Variants in PAK1 observed in about 807,000 individuals in gnomAD.
PAK1 encodes the protein p21 (RAC1) activated kinase 1, also known as serine/threonine-protein kinase PAK 1.
In PAK1, 29 loss-of-function variants were observed where a neutral mutation model predicts 67.4. That is an observed-to-expected ratio of 0.43 (90% CI 0.32 to 0.59). The LOEUF (loss-of-function observed/expected upper bound fraction) is 0.59. Among genes scored for constraint, PAK1 ranks in the 20% least tolerant of loss-of-function variants. The probability of loss-of-function intolerance (pLI) is 0.07; values close to 1 mark genes in which losing one functional copy is unlikely to be tolerated. For synonymous variants in PAK1, 223 were observed against 237.4 expected (o/e 0.94, Z 0.56); for missense variants, 337 against 670.7 (o/e 0.50, Z 5.50).
intron 2 of PAK1, among the ~76,000 whole-genome samples, chr11:77,388,261 T>C (rs1374803746): frequency 1.3e-5 from 2 of 152,234 alleles, no homozygotes; most frequent in Non-Finnish European, 2.9e-5. Flanking sequence ...TAAAGTACTT[T>C]ACAATGGCCT....
At chr11:77,497,659 T>G in the PAK1 span, among the ~76,000 whole-genome samples, 9 of 152,338 alleles carry the variant, frequency 5.9e-5, no homozygotes, top group African/African-American at 2.2e-4. Flanking sequence ...AAGAATTCCA[T>G]CCAACTCAGC....
chr11:77,506,930 C>T, the PAK1 span, among the ~76,000 whole-genome samples: 783 of 152,140 alleles, frequency 5.1e-3, 6 homozygotes, highest in African/African-American at 0.018. Context: ...ATCCAAGGAG[C>T]GTGATTTAAG....
chr11:77,431,079 C>T (rs1206086576), intron 1 of PAK1, among the ~76,000 whole-genome samples: 1 of 152,014 alleles, frequency 6.6e-6, no homozygotes. Flanking sequence ...CCCACCCCCA[C>T]AAGCTCAGTC....
At chr11:77,333,868 A>G (rs552070190) in intron 13 of PAK1, among the ~76,000 whole-genome samples, 3 of 152,240 alleles carry the variant, frequency 2.0e-5, no homozygotes, top group Non-Finnish European at 4.4e-5. Flanking sequence ...ACATAAAAAG[A>G]TATGTCTAGG....
At chr11:77,400,037 A>C (rs2137669543) in intron 1 of PAK1, among the ~76,000 whole-genome samples, 1 of 152,242 alleles carries the variant, frequency 6.6e-6, no homozygotes, top group South Asian at 2.1e-4. Flanking sequence ...TTGAAATTTT[A>C]CCTAATAAAA....
intron 14 of PAK1, 94 bp downstream of exon 14, chr11:77,332,636 T>C (rs1941908506): frequency 1.0e-6 from 1 of 969,208 alleles, no homozygotes; most frequent in South Asian, 1.6e-5. Context: ...AGAAGCCTAG[T>C]TCTATAATAT....
In PAK1 at chr11:77,448,100, G is replaced by C. The variant is rs145918661; in HGVS notation, c.-22+25452C>G. 2.8e-3 allele frequency among the ~76,000 whole-genome samples: 424 copies of C among 152,318 alleles called. 2 individuals carry two copies. The highest frequency in any genetic ancestry group is 6.8e-3 in the Middle Eastern group (2 of 294). ...ACAACTCAAGCTTTGGAATCAGCAA[G>C]CTTGGGTTTGAATCCCAATTCTGTC... On this transcript the variant is annotated intron_variant, in intron 1 of 14. Coordinates refer to ENST00000356341, the MANE Select transcript of PAK1 (RefSeq NM_002576.5).
chr11:77,359,154 T>C (rs1946441837), intron 5 of PAK1, 137 bp from the exon 6 acceptor site: 5 of 725,640 alleles, frequency 6.9e-6, no homozygotes, highest in Admixed American at 2.7e-5. Flanking sequence ...GCTCTCACCT[T>C]TGTGTAGCTA....
chr11:77,449,022 G>A (rs1956737624), intron 1 of PAK1, among the ~76,000 whole-genome samples: 1 of 152,158 alleles, frequency 6.6e-6, no homozygotes, highest in African/African-American at 2.4e-5. Flanking sequence ...TGATATACAG[G>A]GTGAGTGTTT....
At chr11:77,387,234 G>T (rs558107102) in intron 2 of PAK1, among the ~76,000 whole-genome samples, 9 of 149,858 alleles carry the variant, frequency 6.0e-5, no homozygotes. Flanking sequence ...CACCACAACC[G>T]GCTAATTTCT....
At chr11:77,508,976 T>G in the PAK1 span, among the ~76,000 whole-genome samples, 3 of 136,670 alleles carry the variant, frequency 2.2e-5, no homozygotes, top group Non-Finnish European at 3.2e-5. Context: ...TTCTTTAAAA[T>G]GAGCCAGCAT....
intron 1 of PAK1, among the ~76,000 whole-genome samples, chr11:77,468,051 A>T (rs1957678906): frequency 6.6e-6 from 1 of 152,216 alleles, no homozygotes; most frequent in South Asian, 2.1e-4. Flanking sequence ...TTGCCATCCC[A>T]AAAGATTCAA....
At chr11:77,465,427 T>A (rs1957552234) in intron 1 of PAK1, among the ~76,000 whole-genome samples, 1 of 152,076 alleles carries the variant, frequency 6.6e-6, no homozygotes, top group Non-Finnish European at 1.5e-5. Context: ...AGCACAAAAA[T>A]TATATATATA....
intron 1 of PAK1, among the ~76,000 whole-genome samples, chr11:77,407,710 G>A (rs943059226): frequency 6.6e-6 from 1 of 152,208 alleles, no homozygotes; most frequent in African/African-American, 2.4e-5. Context: ...TCTGGACTCT[G>A]CAACCCGCCA....
At chr11:77,372,861 G>A (rs1948618842) in intron 5 of PAK1, among the ~76,000 whole-genome samples, 1 of 152,176 alleles carries the variant, frequency 6.6e-6, no homozygotes, top group African/African-American at 2.4e-5. Context: ...ATTCAGCTCA[G>A]ACTTTACCAT....
chr11:77,463,777 C>G (rs1957469285), intron 1 of PAK1, among the ~76,000 whole-genome samples: 1 of 152,192 alleles, frequency 6.6e-6, no homozygotes, highest in Non-Finnish European at 1.5e-5. Context: ...TTTGAAAGGT[C>G]TCTTCCTCCC....
chr11:77,332,620 T>C (rs1247730956), intron 14 of PAK1, 110 bp downstream of exon 14: 1 of 824,306 alleles, frequency 1.2e-6, no homozygotes, highest in South Asian at 1.7e-5. Context: ...TAGGAAGTGG[T>C]AGAAGAGAAG....
At chr11:77,339,452 T>C (rs1943240657) in intron 11 of PAK1, among the ~76,000 whole-genome samples, 2 of 151,406 alleles carry the variant, frequency 1.3e-5, no homozygotes, top group South Asian at 2.1e-4. Context: ...AAGGAGATAA[T>C]GAAAAGAAGG....
chr11:77,523,398 G>T, the PAK1 span, among the ~76,000 whole-genome samples: 2 of 150,930 alleles, frequency 1.3e-5, no homozygotes, highest in Admixed American at 6.6e-5. Flanking sequence ...GCACATGAGG[G>T]TTTATCATTC....
Sources: gnomAD v4.1 joint callset for allele counts (sites outside exome capture counted in the v4.1 genomes callset) on GRCh38, gnomAD v4.1.1 for gene constraint, MANE v1.5 for transcripts, NCBI Gene and HGNC (gene_info 2026-07-23, HGNC 2026-07-21) for gene names.